RIT2: variants seen among roughly 807,000 people sequenced by gnomAD.
RIT2 encodes the protein Ras like without CAAX 2, also known as GTP-binding protein Rit2.
RIT2 carries 24 observed loss-of-function variants against 23.7 expected under a neutral mutation model. That is an observed-to-expected ratio of 1.01 (90% confidence interval 0.73 to 1.43). The LOEUF is 1.43. Ranked by LOEUF, RIT2 falls within the 40% of genes most tolerant of loss-of-function variation. The pLI is 0.00. For missense variants in RIT2, 236 were observed against 266.9 expected (o/e 0.88, Z 0.81); for synonymous variants, 107 against 91.1 (o/e 1.17, Z -0.99).
intron 4 of RIT2, among the ~76,000 whole-genome samples, chr18:42,922,518 C>T (rs1909078696): frequency 6.6e-6 from 1 of 152,118 alleles, no homozygotes; most frequent in Non-Finnish European, 1.5e-5. Flanking sequence ...ATTTGCATGA[C>T]ACTTCTCAGT....
At chr18:42,759,721 AC>A (rs1913253497) in intron 4 of RIT2, among the ~76,000 whole-genome samples, 2 of 67,320 alleles carry the variant, frequency 3.0e-5, no homozygotes, top group Non-Finnish European at 6.9e-5. Context: ...CTACACACAC[AC>A]ACACACACAC....
At chr18:42,787,297 A>T (rs1049957403) in intron 4 of RIT2, among the ~76,000 whole-genome samples, 1 of 152,012 alleles carries the variant, frequency 6.6e-6, no homozygotes, top group Non-Finnish European at 1.5e-5. Context: ...TGTCCCTACA[A>T]AGAACATGAA....
chr18:42,762,939 A>C (rs1217172557), intron 4 of RIT2, among the ~76,000 whole-genome samples: 1 of 152,222 alleles, frequency 6.6e-6, no homozygotes, highest in African/African-American at 2.4e-5. Flanking sequence ...GGATACATTC[A>C]TAAGAGATGT....
At chr18:42,942,192 A>G (rs2144160064) in intron 3 of RIT2, among the ~76,000 whole-genome samples, 1 of 152,234 alleles carries the variant, frequency 6.6e-6, no homozygotes. Flanking sequence ...GACCCTAGAA[A>G]TAACAGTTGA....
At chr18:42,987,750 G>A (rs923294096) in intron 2 of RIT2, among the ~76,000 whole-genome samples, 7 of 152,140 alleles carry the variant, frequency 4.6e-5, no homozygotes, top group Admixed American at 4.6e-4. Context: ...TCTGCAGACT[G>A]TACAAAAGCA....
intron 1 of RIT2, among the ~76,000 whole-genome samples, chr18:43,110,538 A>G (rs1306038362): frequency 1.3e-5 from 2 of 152,162 alleles, no homozygotes; most frequent in Non-Finnish European, 2.9e-5. Flanking sequence ...TTTAGGCTCC[A>G]TAAAACTTTA....
At chr18:42,857,478 A>C (rs2144044908) in intron 4 of RIT2, among the ~76,000 whole-genome samples, 1 of 152,316 alleles carries the variant, frequency 6.6e-6, no homozygotes, top group Non-Finnish European at 1.5e-5. Flanking sequence ...ACAGATCCTT[A>C]GCATAAGAGC....
At chr18:43,051,081 G>T (rs780621128) in intron 1 of RIT2, among the ~76,000 whole-genome samples, 2 of 152,010 alleles carry the variant, frequency 1.3e-5, no homozygotes, top group Non-Finnish European at 2.9e-5. Flanking sequence ...TGGCATGAAG[G>T]GGGGAATATT....
chr18:42,831,472 C>T (rs774372372), intron 4 of RIT2, among the ~76,000 whole-genome samples: 1 of 152,030 alleles, frequency 6.6e-6, no homozygotes, highest in Admixed American at 6.5e-5. Flanking sequence ...TAGTTTAAAT[C>T]CATTGTTACT....
At chr18:43,045,451 A>C (rs2144299749) in intron 1 of RIT2, among the ~76,000 whole-genome samples, 1 of 152,336 alleles carries the variant, frequency 6.6e-6, no homozygotes, top group East Asian at 1.9e-4. Flanking sequence ...TCAGATAATC[A>C]TGTTAGTAAC....
At chr18:42,783,251 C>A (rs1000841320) in intron 4 of RIT2, among the ~76,000 whole-genome samples, 64 of 152,022 alleles carry the variant, frequency 4.2e-4, no homozygotes, top group African/African-American at 1.5e-3. Context: ...CTACAGAAAG[C>A]CACTCCAAAA....
intron 2 of RIT2, among the ~76,000 whole-genome samples, chr18:43,015,277 A>G (rs1911447725): frequency 6.6e-6 from 1 of 151,726 alleles, no homozygotes; most frequent in East Asian, 1.9e-4. Flanking sequence ...AAGTGAGTAA[A>G]AAGAGTCAAG....
chr18:42,810,677 A>G (rs1222099485), intron 4 of RIT2, among the ~76,000 whole-genome samples: 1 of 151,938 alleles, frequency 6.6e-6, no homozygotes, highest in Non-Finnish European at 1.5e-5. Context: ...TATGACGTTA[A>G]ATTTCTTTAC....
intron 4 of RIT2, among the ~76,000 whole-genome samples, chr18:42,806,129 A>ATATATG (rs1905677824): frequency 1.6e-5 from 2 of 125,646 alleles, no homozygotes. Context: ...ATATATATAT[A>ATATATG]TTTTACAAAT....
At chr18:42,942,898 A>T (rs1249155929) in intron 3 of RIT2, among the ~76,000 whole-genome samples, 1 of 152,176 alleles carries the variant, frequency 6.6e-6, no homozygotes, top group African/African-American at 2.4e-5. Flanking sequence ...CATGTTGGTG[A>T]TTGATGATGT....
chr18:42,867,501 A>G (rs2144058204), intron 4 of RIT2, among the ~76,000 whole-genome samples: 1 of 152,168 alleles, frequency 6.6e-6, no homozygotes, highest in East Asian at 1.9e-4. Context: ...TTGGGGAAAA[A>G]AATGCTATTG....
chr18:43,028,697 T>G (rs1911787555), intron 2 of RIT2, among the ~76,000 whole-genome samples: 2 of 152,008 alleles, frequency 1.3e-5, no homozygotes, highest in African/African-American at 4.8e-5. Context: ...ATCTGTTCAG[T>G]GTTTCCCTGT....
chr18:43,002,776 C>A (rs918337947), intron 2 of RIT2, among the ~76,000 whole-genome samples: 5 of 151,964 alleles, frequency 3.3e-5, no homozygotes, highest in Non-Finnish European at 1.5e-5. Context: ...TCCCCAAAAT[C>A]TAGGAGTACA....
intron 4 of RIT2, among the ~76,000 whole-genome samples, chr18:42,856,058 G>A (rs887483503): frequency 1.3e-5 from 2 of 152,138 alleles, no homozygotes; most frequent in African/African-American, 2.4e-5. Flanking sequence ...AGGCCCATTC[G>A]AAAGTGCCTA....
Sources: gnomAD v4.1 joint callset for allele counts (sites outside exome capture counted in the v4.1 genomes callset) on GRCh38, gnomAD v4.1.1 for gene constraint, MANE v1.5 for transcripts, NCBI Gene and HGNC (gene_info 2026-07-23, HGNC 2026-07-21) for gene names.